GRIN2A: variants seen among roughly 807,000 people sequenced by gnomAD.
GRIN2A encodes glutamate receptor ionotropic, NMDA 2A.
In GRIN2A, 22 loss-of-function variants were observed where a neutral mutation model predicts 113.4. That is an observed-to-expected ratio of 0.19 (90% CI 0.14 to 0.28). GRIN2A has a LOEUF of 0.28. Among genes scored for constraint, GRIN2A ranks in the 10% least tolerant of loss-of-function variants. GRIN2A has a pLI of 1.00. For synonymous variants in GRIN2A, 827 were observed against 738.4 expected (o/e 1.12, Z -1.94); for missense variants, 1,502 against 1,887.0 (o/e 0.80, Z 3.78).
chr16:9,806,747 T>C (rs886966770), intron 10 of GRIN2A, among the ~76,000 whole-genome samples: 6 of 150,208 alleles, frequency 4.0e-5, no homozygotes, highest in African/African-American at 1.5e-4. Context: ...GTGAGATATA[T>C]TGCAAGAAAC....
At position 10,180,890 on chromosome 16, in the gene GRIN2A, G is replaced by A. The variant is rs1000755645; in HGVS notation, c.-18-461C>T. The stretch of plus-strand genomic sequence containing the variant: ...ACCCCGCCCCCTGCTGGCGCGGAGC[G>A]AACTACAGACCCCGCAGGGCGTGCG... On this transcript the variant is annotated intron_variant, in intron 1 of 12. Coordinates refer to ENST00000330684, the MANE Select transcript of GRIN2A (RefSeq NM_001134407.3). This position sits in a 1 kb window ranked among gnomAD's most constrained non-coding sequence, Gnocchi z 7.0. 3.4e-5 allele frequency: 7 copies of A among 205,820 alleles called. No homozygotes were observed. Among genetic ancestry groups the A allele is most frequent in the African/African-American group, 1.6e-4 (7 of 43,040 alleles). 12.7% of individuals were successfully genotyped at this position (205,820 alleles called of 1,614,324 possible).
intron 2 of GRIN2A, among the ~76,000 whole-genome samples, chr16:10,168,893 C>CG (rs2049979382): frequency 6.6e-6 from 1 of 151,490 alleles, no homozygotes; most frequent in African/African-American, 2.4e-5. Flanking sequence ...TGAACCCAGG[C>CG]GGCAGAGGTT....
chr16:10,022,576 T>C (rs1243254076), intron 2 of GRIN2A, among the ~76,000 whole-genome samples: 4 of 152,192 alleles, frequency 2.6e-5, no homozygotes, highest in Admixed American at 2.6e-4. Context: ...CCATAGTCTA[T>C]TTCCCACCCT....
chr16:9,977,701 C>G (rs1335624963), intron 2 of GRIN2A, among the ~76,000 whole-genome samples: 2 of 152,046 alleles, frequency 1.3e-5, no homozygotes, highest in African/African-American at 4.8e-5. Flanking sequence ...TCCTCATATC[C>G]CATATGCACA....
At chr16:9,775,509 G>C (rs546161454) in intron 11 of GRIN2A, among the ~76,000 whole-genome samples, 7 of 152,332 alleles carry the variant, frequency 4.6e-5, no homozygotes, top group African/African-American at 1.4e-4. Flanking sequence ...GAGAGAGACA[G>C]TCATGAAAAC....
At chr16:10,136,670 A>C (rs2049197492) in intron 2 of GRIN2A, among the ~76,000 whole-genome samples, 1 of 152,220 alleles carries the variant, frequency 6.6e-6, no homozygotes, top group African/African-American at 2.4e-5. Context: ...CTGTCAGTGG[A>C]AATGTCTTGA....
In GRIN2A at chr16:10,119,170, C is replaced by T. The variant is rs538661775; in HGVS notation, c.414+60828G>A. ...GCATCTACCATCATCCTTTGAATTA[C>T]GAAGCTAAGGGAAAAAAAGCCCATT... On this transcript the variant is annotated intron_variant, in intron 2 of 12. Transcript: ENST00000330684. 5.3e-5 allele frequency among the ~76,000 whole-genome samples: 8 copies of T among 151,946 alleles called. No individual in the cohort carries two copies. The East Asian group carries it at 7.7e-4, about 15-fold the overall frequency.
At chr16:10,152,107 A>C (rs1338474553) in intron 2 of GRIN2A, among the ~76,000 whole-genome samples, 3 of 152,218 alleles carry the variant, frequency 2.0e-5, no homozygotes, top group Non-Finnish European at 2.9e-5. Flanking sequence ...AAGCCAGTAC[A>C]ATAGTGGTCT....
At chr16:10,101,423 T>A (rs1266899246) in intron 2 of GRIN2A, among the ~76,000 whole-genome samples, 2 of 152,180 alleles carry the variant, frequency 1.3e-5, no homozygotes, top group African/African-American at 4.8e-5. Context: ...CTATCTCTTG[T>A]CCCAAAGGAT....
intron 2 of GRIN2A, among the ~76,000 whole-genome samples, chr16:10,023,290 T>C (rs989893503): frequency 6.6e-6 from 1 of 152,234 alleles, no homozygotes; most frequent in Non-Finnish European, 1.5e-5. Context: ...GGCAGGGCTC[T>C]ATAAACAACA....
intron 3 of GRIN2A, among the ~76,000 whole-genome samples, chr16:9,891,422 T>C (rs1054186655): frequency 1.3e-5 from 2 of 152,248 alleles, no homozygotes; most frequent in Admixed American, 6.5e-5. Context: ...TGAAGGAAGC[T>C]GCTTGCTCAT....
chr16:9,809,307 G>A (rs1339573628), intron 10 of GRIN2A, among the ~76,000 whole-genome samples: 7 of 152,066 alleles, frequency 4.6e-5, no homozygotes, highest in Admixed American at 2.0e-4. Flanking sequence ...GTAGTAGCCT[G>A]TAAACCCAGC....
At chr16:9,963,874 A>T (rs1053288196) in intron 2 of GRIN2A, among the ~76,000 whole-genome samples, 5 of 152,162 alleles carry the variant, frequency 3.3e-5, no homozygotes, top group Non-Finnish European at 7.3e-5. Flanking sequence ...TGCATTTTAG[A>T]GCTATGTGCC....
At chr16:10,058,722 G>A (rs1343672232) in intron 2 of GRIN2A, among the ~76,000 whole-genome samples, 4 of 152,176 alleles carry the variant, frequency 2.6e-5, no homozygotes, top group African/African-American at 9.7e-5. Flanking sequence ...TATATGTTTA[G>A]GTATTTATGT....
chr16:9,939,346 A>G (rs146852005), intron 2 of GRIN2A, among the ~76,000 whole-genome samples: 227 of 152,266 alleles, frequency 1.5e-3, no homozygotes, highest in African/African-American at 5.0e-3. Context: ...GCATCATGGC[A>G]CCGAAAGGAG....
At chr16:10,154,619 T>C (rs2049651336) in intron 2 of GRIN2A, among the ~76,000 whole-genome samples, 1 of 152,154 alleles carries the variant, frequency 6.6e-6, no homozygotes, top group Non-Finnish European at 1.5e-5. Context: ...TAAGACACTG[T>C]TCCTGTCCTC....
chr16:10,130,649 T>C (rs147830789), intron 2 of GRIN2A, among the ~76,000 whole-genome samples: 1 of 152,176 alleles, frequency 6.6e-6, no homozygotes, highest in Non-Finnish European at 1.5e-5. Flanking sequence ...AAACATCACA[T>C]GATGGAATGT....
Position 10,180,438 on chromosome 16 carries a change from T to C in GRIN2A, c.-18-9A>G. 6.3e-7 allele frequency: 1 copy of C among 1,598,900 alleles called. No homozygotes were observed. On this transcript the variant is annotated splice_polypyrimidine_tract_variant and intron_variant, in intron 1 of 12. Transcript: ENST00000330684. The surrounding 1 kb of genome is among the most constrained non-coding windows in gnomAD (Gnocchi z 7.0). Reference sequence around the variant, plus strand: ...GTCGCCACTGACGGTCCCTGCAAGGTGAAGAGTGAGAGGCAGGGCCGCGGT... The same window carrying C: ...GTCGCCACTGACGGTCCCTGCAAGGCGAAGAGTGAGAGGCAGGGCCGCGGT...
In GRIN2A at chr16:9,798,311, C is replaced by T. The variant is rs1466814927; in HGVS notation, c.2322G>A (p.Gln774=). 1 of 1,614,092 alleles carries T rather than the reference C, an allele frequency of 6.2e-7. No homozygotes were observed. The highest frequency in any genetic ancestry group is 1.1e-5 in the South Asian group (1 of 91,070). ...ALQKGSPWKR[Q]IDLALLQFVG... ...CAAACTGAAGCAAGGCCAGGTCGAT[C>T]TGCCTCTTCCAAGGAGAGCCTTTCT... The change falls in exon 11 of 13, where the codon CAG becomes CAA. Residue 774 remains glutamine, a synonymous_variant. Transcript: ENST00000330684.
Sources: gnomAD v4.1 joint callset for allele counts (sites outside exome capture counted in the v4.1 genomes callset) on GRCh38, gnomAD v4.1.1 for gene constraint, Gnocchi (gnomAD v3.1) non-coding constraint, MANE v1.5 for transcripts, NCBI Gene and HGNC (gene_info 2026-07-23, HGNC 2026-07-21) for gene names.